The following ST6GALNAC3 variants were observed in gnomAD, a reference collection of about 807,000 sequenced individuals.
ST6GALNAC3 encodes ST6 N-acetylgalactosaminide alpha-2,6-sialyltransferase 3.
A neutral mutation model predicts 32.7 loss-of-function variants in ST6GALNAC3; 25 were observed. That is an observed-to-expected ratio of 0.76 (90% CI 0.56 to 1.07). The LOEUF (loss-of-function observed/expected upper bound fraction) is 1.07, where lower values mean the gene tolerates loss of function less well. ST6GALNAC3 is among the 50% of genes least tolerant of loss of function. The probability of loss-of-function intolerance (pLI) is 0.00; values close to 1 mark genes in which losing one functional copy is unlikely to be tolerated. For missense variants in ST6GALNAC3, 355 were observed against 382.4 expected, an observed-to-expected ratio of 0.93 and a Z score of 0.60; for synonymous variants, 129 against 133.1, an observed-to-expected ratio of 0.97 and a Z score of 0.21.
intron 1 of ST6GALNAC3, among the ~76,000 whole-genome samples, chr1:76,111,982 G>A (rs1213481749): frequency 1.3e-5 from 2 of 152,060 alleles, no homozygotes; most frequent in Non-Finnish European, 1.5e-5. Flanking sequence ...TGGTGGCCGG[G>A]CAGAGGGGCT....
In ST6GALNAC3 at chr1:76,350,814, C is replaced by A. The variant is rs1014117532; in HGVS notation, c.213+36815C>A. Among the ~76,000 whole-genome samples, 4 of 152,084 alleles carry A rather than the reference C, an allele frequency of 2.6e-5. No homozygotes were observed. In the East Asian group the frequency reaches 7.7e-4, roughly 29 times the overall value. ...AATATATGGGCTGACAGTGGTGAAA[C>A]AAATACTAGGTTCCTGAAGCTTTCC... is the stretch of plus-strand genomic sequence containing the variant. On this transcript the variant is annotated intron_variant, in intron 2 of 4. Transcript: ENST00000328299.
intron 2 of ST6GALNAC3, among the ~76,000 whole-genome samples, chr1:76,376,554 T>A (rs970753141): frequency 3.3e-5 from 5 of 152,210 alleles, no homozygotes; most frequent in African/African-American, 1.2e-4. Context: ...AATGGAATCA[T>A]GTAGTATGTA....
At chr1:76,591,256 G>A (rs1647043678) in intron 3 of ST6GALNAC3, among the ~76,000 whole-genome samples, 1 of 151,972 alleles carries the variant, frequency 6.6e-6, no homozygotes, top group Non-Finnish European at 1.5e-5. Flanking sequence ...AAAGGGAATA[G>A]CTGGCATATA....
At chr1:76,081,621 A>G (rs1646897436) in intron 1 of ST6GALNAC3, among the ~76,000 whole-genome samples, 1 of 152,144 alleles carries the variant, frequency 6.6e-6, no homozygotes, top group Non-Finnish European at 1.5e-5. Context: ...GCAAAGACTG[A>G]GGAGATAAGA....
chr1:76,114,348 A>G (rs1648309238), intron 1 of ST6GALNAC3, among the ~76,000 whole-genome samples: 1 of 152,126 alleles, frequency 6.6e-6, no homozygotes, highest in Non-Finnish European at 1.5e-5. Flanking sequence ...ATAAAGATTG[A>G]AATTCATTAC....
rs80108504 is a variant in ST6GALNAC3 at position 76,079,864 on chromosome 1, G to A, written c.18+4980G>A. Among the ~76,000 whole-genome samples, 407 of 152,328 alleles carry A rather than the reference G, an allele frequency of 2.7e-3. 1 individual carries two copies. The highest frequency in any genetic ancestry group is 8.4e-3 in the African/African-American group (349 of 41,570). On this transcript the variant is annotated intron_variant, in intron 1 of 4. Transcript: ENST00000328299. ...CACTTTAGAGTCACATCTGTGGTCA[G>A]GCCATCCCCTGCCTCAGCAGGCTTC...
At chr1:76,200,036 G>T (rs894939304) in intron 1 of ST6GALNAC3, among the ~76,000 whole-genome samples, 4 of 152,180 alleles carry the variant, frequency 2.6e-5, no homozygotes, top group Admixed American at 2.0e-4. Context: ...TTTGTAGTGG[G>T]TTATCTCCTG....
At chr1:76,256,837 A>G (rs1270227558) in intron 1 of ST6GALNAC3, among the ~76,000 whole-genome samples, 1 of 152,102 alleles carries the variant, frequency 6.6e-6, no homozygotes, top group East Asian at 1.9e-4. Flanking sequence ...AGTTAGAAAA[A>G]TACTCCAGTC....
At chr1:76,467,648 T>C (rs992544275) in intron 3 of ST6GALNAC3, among the ~76,000 whole-genome samples, 4 of 152,008 alleles carry the variant, frequency 2.6e-5, no homozygotes, top group African/African-American at 4.8e-5. Flanking sequence ...AACTTATCAA[T>C]AGTGGTTATC....
At position 76,403,172 on chromosome 1, in the gene ST6GALNAC3, T is replaced by A. The variant is rs59827750; in HGVS notation, c.214-8836T>A. On this transcript the variant is annotated intron_variant, in intron 2 of 4. Coordinates refer to ENST00000328299, the MANE Select transcript of ST6GALNAC3 (RefSeq NM_152996.4). ...ATTAGGTAGTATGATTTTCCTTACC[T>A]CCAAAGAAAATTCTAGCCAGAGAAT... is the stretch of plus-strand genomic sequence containing the variant. 2.8e-3 allele frequency among the ~76,000 whole-genome samples: 425 copies of A among 152,212 alleles called. 1 individual carries two copies. The highest frequency in any genetic ancestry group is 9.9e-3 in the African/African-American group (411 of 41,552).
intron 3 of ST6GALNAC3, among the ~76,000 whole-genome samples, chr1:76,416,627 GTTTTT>G (rs758529243): frequency 8.8e-6 from 1 of 113,474 alleles, no homozygotes; most frequent in Non-Finnish European, 1.7e-5. Context: ...TGTGGGTTTT[GTTTTT>G]TTTTTTTTTT....
intron 2 of ST6GALNAC3, among the ~76,000 whole-genome samples, chr1:76,336,553 A>G (rs938837192): frequency 6.6e-6 from 1 of 152,214 alleles, no homozygotes; most frequent in Non-Finnish European, 1.5e-5. Flanking sequence ...TTAGAAATTC[A>G]TGAGATAATC....
intron 3 of ST6GALNAC3, among the ~76,000 whole-genome samples, chr1:76,615,665 A>G (rs551655458): frequency 6.6e-6 from 1 of 152,324 alleles, no homozygotes; most frequent in South Asian, 2.1e-4. Context: ...AAATCTGTGG[A>G]GATACAACAT....
intron 1 of ST6GALNAC3, among the ~76,000 whole-genome samples, chr1:76,277,567 T>TATAC (rs1214975640): frequency 1.9e-4 from 10 of 51,282 alleles, no homozygotes; most frequent in East Asian, 2.7e-3. Context: ...TATATATATA[T>TATAC]ACACACACAC....
chr1:76,145,493 C>G (rs1650621139), intron 1 of ST6GALNAC3, among the ~76,000 whole-genome samples: 1 of 152,192 alleles, frequency 6.6e-6, no homozygotes. Context: ...TGACAAGGTT[C>G]CTGTATATCA....
intron 3 of ST6GALNAC3, among the ~76,000 whole-genome samples, chr1:76,617,188 T>C (rs1295662921): frequency 2.6e-5 from 4 of 152,188 alleles, no homozygotes; most frequent in Non-Finnish European, 5.9e-5. Context: ...TCAGAATAAG[T>C]TTGGGTCTGA....
At chr1:76,249,466 C>A (rs1012064064) in intron 1 of ST6GALNAC3, among the ~76,000 whole-genome samples, 1 of 152,014 alleles carries the variant, frequency 6.6e-6, no homozygotes, top group Non-Finnish European at 1.5e-5. Flanking sequence ...TGTATCAATA[C>A]TTCATTCTTT....
chr1:76,295,703 A>G (rs1051331543), intron 1 of ST6GALNAC3, among the ~76,000 whole-genome samples: 2 of 152,096 alleles, frequency 1.3e-5, no homozygotes, highest in African/African-American at 4.8e-5. Flanking sequence ...TGAAGACCCA[A>G]AGACACAGTT....
At chr1:76,299,824 A>G (rs1377724392) in intron 1 of ST6GALNAC3, among the ~76,000 whole-genome samples, 1 of 152,102 alleles carries the variant, frequency 6.6e-6, no homozygotes, top group African/African-American at 2.4e-5. Flanking sequence ...TTCATTATGC[A>G]GTCATATATA....
Sources: allele counts gnomAD v4.1 joint callset (sites outside exome capture counted in the v4.1 genomes callset), GRCh38; gene constraint gnomAD v4.1.1; transcripts MANE v1.5; gene names NCBI Gene and HGNC (gene_info 2026-07-23, HGNC 2026-07-21).